KLHL25: variants seen among roughly 807,000 people sequenced by gnomAD.
KLHL25 encodes kelch like family member 25.
Under a neutral mutation model 30.0 loss-of-function variants are expected in KLHL25, and 41 were observed. The ratio of observed to expected loss-of-function variants is 1.37; its 90% confidence interval spans 1.07 to 1.78. The LOEUF is 1.78. Ranked by LOEUF, KLHL25 falls within the 40% of genes most tolerant of loss-of-function variation. The pLI, the probability that KLHL25 is intolerant of heterozygous loss-of-function variation, is 0.00. For synonymous variants in KLHL25, 399 were observed against 355.3 expected (o/e 1.12, Z -1.38); for missense variants, 971 against 824.5 (o/e 1.18, Z -2.18).
At chr15:85,774,893 T>C (rs75550826) in intron 1 of KLHL25, among the ~76,000 whole-genome samples, 2 of 151,292 alleles carry the variant, frequency 1.3e-5, no homozygotes, top group Non-Finnish European at 3.0e-5. Flanking sequence ...TTTTTTTTTT[T>C]TGAGACGGAG....
intron 1 of KLHL25, among the ~76,000 whole-genome samples, chr15:85,783,667 G>C (rs1204463681): frequency 6.8e-6 from 1 of 147,732 alleles, no homozygotes; most frequent in Non-Finnish European, 1.5e-5. Flanking sequence ...ACTCCAGCCT[G>C]GGTGACAGAG....
At chr15:85,765,619 C>T in intron 2 of KLHL25, among the ~76,000 whole-genome samples, 1 of 82,868 alleles carries the variant, frequency 1.2e-5, no homozygotes, top group South Asian at 5.7e-4. Context: ...ACGAGACTGT[C>T]TCAAAAAAAA....
chr15:85,763,699 CA>C (rs1228527523), intron 2 of KLHL25: 2 of 152,318 alleles, frequency 1.3e-5, no homozygotes, highest in African/African-American at 4.8e-5. Context: ...CCTCCAGGGA[CA>C]GGGGCAGTTG....
At chr15:85,787,707 G>A (rs1162852168) in intron 1 of KLHL25, among the ~76,000 whole-genome samples, 2 of 152,134 alleles carry the variant, frequency 1.3e-5, no homozygotes, top group African/African-American at 4.8e-5. Flanking sequence ...GGAATATGAC[G>A]ACGCTGTGAA....
At chr15:85,781,712 A>T (rs548761416) in intron 1 of KLHL25, among the ~76,000 whole-genome samples, 1 of 152,034 alleles carries the variant, frequency 6.6e-6, no homozygotes, top group African/African-American at 2.4e-5. Context: ...CTGAACTCCT[A>T]ATCTCCAGTA....
chr15:85,779,546 C>G (rs976095869), intron 1 of KLHL25, among the ~76,000 whole-genome samples: 16 of 152,210 alleles, frequency 1.1e-4, no homozygotes, highest in African/African-American at 3.6e-4. Context: ...TTGAGAAACA[C>G]TGCAAACACA....
At position 85,769,635 on chromosome 15, in the gene KLHL25, CAG is replaced by C. The variant is rs752906373; in HGVS notation, c.174_175del (p.Cys59SerfsTer9). 15 of 1,613,316 alleles carry C rather than the reference CAG, an allele frequency of 9.3e-6. No individual in the cohort carries two copies. The highest frequency in any genetic ancestry group is 4.5e-5 in the East Asian group (2 of 44,882). On this transcript the variant is annotated frameshift_variant, in exon 2 of 3. Coordinates refer to ENST00000337975, the MANE Select transcript of KLHL25 (RefSeq NM_022480.4). LOFTEE classifies it high-confidence loss of function. ...AGAGGCGGCCAGCACGGCACGGTGA[CAG>C]GGGAAGGCACGGTCGCCCGCCCAGA...
rs2089641176 is a variant in KLHL25, at chr15:85,768,543, T to C, written c.1268A>G (p.Lys423Arg). The C allele has an allele frequency of 1.9e-6, 3 of 1,613,544 alleles. No homozygotes were observed. The highest frequency in any genetic ancestry group is 2.5e-6 in the Non-Finnish European group (3 of 1,179,772). Residue 423 changes from lysine (K) to arginine (R), a missense_variant, in exon 2 of 3, where the codon AAG (lysine) becomes AGG (arginine). Coordinates refer to ENST00000337975, the MANE Select transcript of KLHL25 (RefSeq NM_022480.4). ...CCGCAAGGGGGCCACCATCATCCAC[T>C]TGTTGGCCCCAGGGTCGTATTTCTC... is the stretch of plus-strand genomic sequence containing the variant. ...QVEKYDPGAN[K>R]WMMVAPLRDG... is the part of the protein sequence containing the mutation.
Position 85,768,989 on chromosome 15 carries a change from G to A in KLHL25, c.822C>T (p.Thr274=). 2 of 1,612,634 alleles carry A rather than the reference G, an allele frequency of 1.2e-6. No individual in the cohort carries two copies. Among genetic ancestry groups the A allele is most frequent in the South Asian group, 1.1e-5 (1 of 91,082 alleles). ...CCACGCCATCATTCTGCAGGATCCTGGTCTTGCAGCGCAGGGCCTCATCCA... is the reference window on the plus strand; with the variant it reads ...CCACGCCATCATTCTGCAGGATCCTAGTCTTGCAGCGCAGGGCCTCATCCA... ...LIMDEALRCK[T]RILQNDGVVT... Residue 274 remains threonine (T), a synonymous_variant, in exon 2 of 3, where the codon ACC becomes ACT. Transcript: ENST00000337975.
At chr15:85,776,324 A>ACTTT (rs1017492323) in intron 1 of KLHL25, among the ~76,000 whole-genome samples, 10 of 151,958 alleles carry the variant, frequency 6.6e-5, no homozygotes, top group Admixed American at 2.6e-4. Context: ...CCCCATCTCT[A>ACTTT]CTAAAAGTAT....
chr15:85,785,098 T>TC (rs1384280641), intron 1 of KLHL25, among the ~76,000 whole-genome samples: 3 of 150,542 alleles, frequency 2.0e-5, no homozygotes, highest in Non-Finnish European at 4.4e-5. Flanking sequence ...TTTTTTCTTT[T>TC]TTTTTTTTTT....
chr15:85,764,853 C>T (rs1400448787), intron 2 of KLHL25, among the ~76,000 whole-genome samples: 1 of 152,260 alleles, frequency 6.6e-6, no homozygotes, highest in African/African-American at 2.4e-5. Flanking sequence ...AATTTCCACT[C>T]CCGTTGTCCA....
At chr15:85,780,665 G>A (rs1241140316) in intron 1 of KLHL25, among the ~76,000 whole-genome samples, 1 of 152,246 alleles carries the variant, frequency 6.6e-6, no homozygotes, top group Non-Finnish European at 1.5e-5. Context: ...CAGAAGCTCT[G>A]TTCTTCTCTA....
chr15:85,770,710 C>T (rs1311589593), intron 1 of KLHL25: 9 of 375,548 alleles, frequency 2.4e-5, no homozygotes, highest in Middle Eastern at 6.7e-4. Context: ...CAGAGAAACA[C>T]GAAGCCAGAG....
At chr15:85,762,832 C>A (rs1018820185) in intron 2 of KLHL25, 1 of 152,284 alleles carries the variant, frequency 6.6e-6, no homozygotes, top group African/African-American at 2.4e-5. Flanking sequence ...GTAGCAACTT[C>A]TTTAAGACAG....
chr15:85,770,858 T>C (rs1235048804), intron 1 of KLHL25: 3 of 338,578 alleles, frequency 8.9e-6, no homozygotes, highest in Non-Finnish European at 1.7e-5. Flanking sequence ...ACAGGTTCAC[T>C]ACTTGCTCAA....
Position 85,788,056 on chromosome 15 carries a change from C to CAAAAA in KLHL25, c.-11+6705_-11+6709dup, listed in dbSNP as rs60547525. 1.5e-3 allele frequency among the ~76,000 whole-genome samples: 89 copies of CAAAAA among 58,056 alleles called. 1 individual carries two copies. Among genetic ancestry groups the CAAAAA allele is most frequent in the Non-Finnish European group, 2.1e-3 (68 of 32,478 alleles). 38.1% of individuals were successfully genotyped at this position (58,056 alleles called of 152,430 possible). On this transcript the variant is annotated intron_variant, in intron 1 of 2. Coordinates refer to ENST00000337975, the MANE Select transcript of KLHL25 (RefSeq NM_022480.4). ...GGGCAATGAGAGGGAAACTAGATCT[C>CAAAAA]AAAAAAAAAAAAAAAAAAAAAAGGA...
Position 85,769,618 on chromosome 15 carries a change from CCA to C in KLHL25, c.191_192del (p.Leu64ArgfsTer4). The C allele has an allele frequency of 6.2e-7, 1 of 1,613,190 alleles. No individual in the cohort carries two copies. Among genetic ancestry groups the C allele is most frequent in the Non-Finnish European group, 8.5e-7 (1 of 1,180,022 alleles). On this transcript the variant is annotated frameshift_variant, in exon 2 of 3. Coordinates refer to ENST00000337975, the MANE Select transcript of KLHL25 (RefSeq NM_022480.4). LOFTEE classifies it high-confidence loss of function. ...DRAFPCHRAV[L>X]AASSRYFEAM... ...GCCTCAAAATAGCGGCTAGAGGCGG[CCA>C]GCACGGCACGGTGACAGGGGAAGGC...
intron 1 of KLHL25, among the ~76,000 whole-genome samples, chr15:85,793,621 C>T (rs1258076642): frequency 6.6e-6 from 1 of 152,188 alleles, no homozygotes; most frequent in Admixed American, 6.5e-5. Context: ...AGGGCTTGGC[C>T]CCATAACGGT....
Sources: allele counts gnomAD v4.1 joint callset (sites outside exome capture counted in the v4.1 genomes callset), GRCh38; gene constraint gnomAD v4.1.1; transcripts MANE v1.5; gene names NCBI Gene and HGNC (gene_info 2026-07-23, HGNC 2026-07-21).